The following DISC1 variants were observed in gnomAD, a reference collection of about 807,000 sequenced individuals.
The protein encoded by DISC1 is disrupted in schizophrenia 1 protein.
In DISC1, 57 loss-of-function variants were observed where a neutral mutation model predicts 84.5. The ratio of observed to expected loss-of-function variants is 0.67; its 90% CI spans 0.55 to 0.84. The LOEUF (loss-of-function observed/expected upper bound fraction) is 0.84, where lower values mean the gene tolerates loss of function less well. DISC1 is among the 40% of genes least tolerant of loss of function. The pLI is 0.00. For missense variants in DISC1, 1,000 were observed against 1,057.8 expected (o/e 0.95, Z 0.76); for synonymous variants, 411 against 415.2 (o/e 0.99, Z 0.12).
chr1:231,951,232 T>C (rs1658316604), intron 9 of DISC1, among the ~76,000 whole-genome samples: 1 of 152,200 alleles, frequency 6.6e-6, no homozygotes, highest in Non-Finnish European at 1.5e-5. Context: ...TAATCTTACT[T>C]CCACATTCAA....
chr1:231,814,335 G>A (rs1188238309), intron 8 of DISC1, among the ~76,000 whole-genome samples: 1 of 152,058 alleles, frequency 6.6e-6, no homozygotes, highest in East Asian at 1.9e-4. Context: ...AACATAAAAA[G>A]CACCCATTAT....
chr1:231,792,803 A>C (rs1039010212), intron 6 of DISC1, among the ~76,000 whole-genome samples: 1 of 152,210 alleles, frequency 6.6e-6, no homozygotes, highest in Non-Finnish European at 1.5e-5. Context: ...CAAAAGATCC[A>C]ATCCCTGGCC....
chr1:231,812,833 C>T (rs200593614), intron 8 of DISC1, among the ~76,000 whole-genome samples: 3 of 152,198 alleles, frequency 2.0e-5, no homozygotes, highest in Non-Finnish European at 2.9e-5. Context: ...GAGAGGTCTG[C>T]ATCAAGCAAG....
chr1:232,017,236 C>T (rs902516776), intron 11 of DISC1, among the ~76,000 whole-genome samples: 1 of 152,164 alleles, frequency 6.6e-6, no homozygotes, highest in Admixed American at 6.6e-5. Context: ...TTTGATGCAT[C>T]AGCTAAGCTC....
intron 9 of DISC1, among the ~76,000 whole-genome samples, chr1:231,851,521 G>A: frequency 6.6e-6 from 1 of 152,194 alleles, no homozygotes; most frequent in East Asian, 1.9e-4. Context: ...TGTCCGAAGG[G>A]GGTGGAAATG....
At chr1:231,710,955 A>T (rs1041080461) in intron 3 of DISC1, among the ~76,000 whole-genome samples, 1 of 152,238 alleles carries the variant, frequency 6.6e-6, no homozygotes, top group East Asian at 1.9e-4. Context: ...AGGTATTTCC[A>T]CAAAATTTGA....
intron 10 of DISC1, among the ~76,000 whole-genome samples, chr1:232,003,980 GTTAAA>G (rs910079106): frequency 7.9e-5 from 12 of 151,584 alleles, no homozygotes; most frequent in African/African-American, 2.9e-4. Flanking sequence ...ACAAGTGTTT[GTTAAA>G]TTATTTTCCA....
At chr1:231,662,035 A>G (rs1232713180) in intron 1 of DISC1, among the ~76,000 whole-genome samples, 3 of 152,070 alleles carry the variant, frequency 2.0e-5, no homozygotes, top group Admixed American at 1.3e-4. Context: ...TCTGCTCCAG[A>G]CCTTGGTTGC....
intron 9 of DISC1, among the ~76,000 whole-genome samples, chr1:231,869,863 G>A (rs1160601856): frequency 6.6e-6 from 1 of 152,058 alleles, no homozygotes; most frequent in East Asian, 1.9e-4. Context: ...TTCCTGAGAG[G>A]GGTCTTGCCT....
At position 231,886,776 on chromosome 1, in the gene DISC1, T is replaced by G. The variant is rs530149851; in HGVS notation, c.1981+68259T>G. Among the ~76,000 whole-genome samples, 225 of 92,842 alleles carry G rather than the reference T, an allele frequency of 2.4e-3. 3 individuals are homozygous for G. The highest frequency in any genetic ancestry group is 8.4e-3 in the African/African-American group (218 of 25,986). The allele number at this position is 92,842 out of a possible 152,430, so 60.9% of individuals were successfully genotyped here. A position where few individuals can be genotyped will look rare whatever the true frequency, so the allele number is the denominator to read the frequency against. ...CTTTCTTCCTTCCTTCCTTTCTTTC[T>G]TTCTTTCTTTCTTTCTTTCTTTCTT... On this transcript the variant is annotated intron_variant, in intron 9 of 12. Coordinates refer to ENST00000439617, the MANE Select transcript of DISC1 (RefSeq NM_018662.3).
intron 3 of DISC1, among the ~76,000 whole-genome samples, chr1:231,705,056 A>G (rs2066892010): frequency 6.6e-6 from 1 of 151,818 alleles, no homozygotes; most frequent in African/African-American, 2.4e-5. Flanking sequence ...AGACAGACCA[A>G]GGCGGGTGGA....
chr1:231,720,834 C>T lies in DISC1; in HGVS notation c.1117+18810C>T, dbSNP rs377223159. 41 of 1,290,532 alleles carry T rather than the reference C, an allele frequency of 3.2e-5. 1 individual carries two copies. The highest frequency in any genetic ancestry group is 9.9e-5 in the South Asian group (8 of 81,030). 79.9% of individuals were successfully genotyped at this position (1,290,532 alleles called of 1,614,324 possible). A position where few individuals can be genotyped will look rare whatever the true frequency, so the allele number is the denominator to read the frequency against. On this transcript the variant is annotated intron_variant, in intron 3 of 12. Coordinates refer to ENST00000439617, the MANE Select transcript of DISC1 (RefSeq NM_018662.3). Reference sequence around the variant, plus strand: ...GAGCAGCAGGTAGGAAACGTGTTGTCGTTTCGTTTACAGGTTTGTTGGAGG... The same window carrying T: ...GAGCAGCAGGTAGGAAACGTGTTGTTGTTTCGTTTACAGGTTTGTTGGAGG...
chr1:231,795,114 C>A, intron 6 of DISC1, 128 bp from the exon 7 acceptor site: 2 of 879,244 alleles, frequency 2.3e-6, no homozygotes, highest in Non-Finnish European at 3.8e-6. Context: ...AATTTGGCAT[C>A]ATCTTTCCTC....
chr1:232,015,910 T>C (rs1447002991), intron 11 of DISC1, among the ~76,000 whole-genome samples: 1 of 152,150 alleles, frequency 6.6e-6, no homozygotes, highest in African/African-American at 2.4e-5. Context: ...GCAGATCTTA[T>C]TTTGCTCATA....
chr1:231,972,953 C>T (rs1662218384), intron 10 of DISC1, among the ~76,000 whole-genome samples: 1 of 152,168 alleles, frequency 6.6e-6, no homozygotes, highest in Non-Finnish European at 1.5e-5. Context: ...CCTCTTTCCT[C>T]TACAACCTGA....
chr1:231,755,823 C>T (rs1420545044), intron 4 of DISC1, among the ~76,000 whole-genome samples: 1 of 152,186 alleles, frequency 6.6e-6, no homozygotes, highest in Non-Finnish European at 1.5e-5. Flanking sequence ...CATTTCCACT[C>T]ACTTGTCTCA....
chr1:231,970,335 T>G (rs1558793975), intron 10 of DISC1, among the ~76,000 whole-genome samples: 2 of 152,360 alleles, frequency 1.3e-5, no homozygotes, highest in African/African-American at 4.8e-5. Context: ...TTGATTTGCA[T>G]TTCTCTGATG....
At chr1:231,711,467 C>G (rs139464613) in intron 3 of DISC1, among the ~76,000 whole-genome samples, 2 of 150,298 alleles carry the variant, frequency 1.3e-5, no homozygotes, top group African/African-American at 4.9e-5. Context: ...TCATGCCACT[C>G]TCCTGCCTCA....
intron 9 of DISC1, among the ~76,000 whole-genome samples, chr1:231,931,436 G>A (rs1297670066): frequency 6.6e-6 from 1 of 152,192 alleles, no homozygotes; most frequent in Non-Finnish European, 1.5e-5. Context: ...CTGACCTAGA[G>A]AGGGTTTGCG....
Sources: allele counts gnomAD v4.1 joint callset (sites outside exome capture counted in the v4.1 genomes callset), GRCh38; gene constraint gnomAD v4.1.1; transcripts MANE v1.5; gene names NCBI Gene and HGNC (gene_info 2026-07-23, HGNC 2026-07-21).